The following ABLIM3 variants were observed in gnomAD, a reference collection of about 807,000 sequenced individuals.
ABLIM3 encodes actin binding LIM protein family member 3, also known as actin-binding LIM protein 3.
A neutral mutation model predicts 109.5 loss-of-function variants in ABLIM3; 61 were observed. The ratio of observed to expected loss-of-function variants is 0.56; its 90% CI spans 0.45 to 0.69. ABLIM3 has a LOEUF of 0.69. Ranked by LOEUF, ABLIM3 falls within the 30% of genes least tolerant of loss-of-function variation. ABLIM3 has a pLI of 0.00. For synonymous variants in ABLIM3, 300 were observed against 324.8 expected (o/e 0.92, Z 0.82); for missense variants, 796 against 889.5 (o/e 0.89, Z 1.34).
intron 21 of ABLIM3, among the ~76,000 whole-genome samples, chr5:149,251,704 G>C (rs148685797): frequency 6.6e-6 from 1 of 152,136 alleles, no homozygotes; most frequent in African/African-American, 2.4e-5. Context: ...ACTGTGGACC[G>C]AGGGTTGCCT....
At chr5:149,232,140 T>C (rs951432930) in intron 9 of ABLIM3, among the ~76,000 whole-genome samples, 1 of 152,136 alleles carries the variant, frequency 6.6e-6, no homozygotes, top group African/African-American at 2.4e-5. Flanking sequence ...ACCCCAATTC[T>C]ACTAAAAATA....
intron 16 of ABLIM3, 77 bp from the exon 17 acceptor site, chr5:149,246,403 CTT>C: frequency 1.5e-6 from 2 of 1,368,024 alleles, no homozygotes; most frequent in Non-Finnish European, 9.9e-7. Flanking sequence ...AGTGGCTTTT[CTT>C]TTTTAAAAAA....
At chr5:149,171,973 C>T (rs534023484) in intron 2 of ABLIM3, among the ~76,000 whole-genome samples, 98 of 152,288 alleles carry the variant, frequency 6.4e-4, no homozygotes, top group Non-Finnish European at 1.1e-3. Flanking sequence ...TAGACACATG[C>T]GGATACTGAG....
chr5:149,210,704 C>T, intron 6 of ABLIM3, 22 bp from the exon 7 acceptor site: 2 of 1,607,874 alleles, frequency 1.2e-6, no homozygotes. Context: ...CTTCCTCATC[C>T]TATGTGAACT....
intron 10 of ABLIM3, among the ~76,000 whole-genome samples, chr5:149,233,903 A>T (rs1055646519): frequency 2.6e-5 from 4 of 152,198 alleles, no homozygotes; most frequent in African/African-American, 9.6e-5. Context: ...TTTGCCAGGG[A>T]TGTAGAAGAA....
chr5:149,229,134 C>G (rs1761595471), intron 8 of ABLIM3, among the ~76,000 whole-genome samples: 1 of 152,172 alleles, frequency 6.6e-6, no homozygotes, highest in South Asian at 2.1e-4. Context: ...GAAACGCTCT[C>G]TCTAATAACT....
intron 2 of ABLIM3, among the ~76,000 whole-genome samples, chr5:149,173,400 G>A (rs1217122448): frequency 1.3e-5 from 2 of 152,178 alleles, no homozygotes; most frequent in African/African-American, 4.8e-5. Context: ...CTTCATTTTG[G>A]CCTGACCTCA....
chr5:149,223,534 C>T (rs752823859), intron 8 of ABLIM3, among the ~76,000 whole-genome samples: 7 of 152,164 alleles, frequency 4.6e-5, no homozygotes, highest in South Asian at 2.1e-4. Flanking sequence ...AACTAAGAAG[C>T]GTCTAGGAGC....
chr5:149,194,265 A>T lies in ABLIM3; in HGVS notation c.152-3954A>T, dbSNP rs542233039. 1.6e-4 allele frequency among the ~76,000 whole-genome samples: 24 copies of T among 152,378 alleles called. No homozygotes were observed. In the East Asian group the frequency reaches 4.0e-3, roughly 26 times the overall value. ...GCAAAAAACATTAGCAAGTATTTTA[A>T]CATTTGAAAAAAATTCTCAATTTGA... On this transcript the variant is annotated intron_variant, in intron 3 of 23. Coordinates refer to ENST00000309868, the MANE Select transcript of ABLIM3 (RefSeq NM_014945.5).
At chr5:149,252,523 A>C (rs1045005585) in intron 22 of ABLIM3, 77 of 553,320 alleles carry the variant, frequency 1.4e-4, no homozygotes, top group Middle Eastern at 9.5e-4. Context: ...GCACATGGCA[A>C]ATACCTCCAA....
chr5:149,190,642 T>G (rs909545548), intron 3 of ABLIM3, among the ~76,000 whole-genome samples: 5 of 152,204 alleles, frequency 3.3e-5, no homozygotes, highest in African/African-American at 9.7e-5. Flanking sequence ...ATCACGCCAC[T>G]GCACTCCAGG....
chr5:149,143,507 C>T (rs1426966984), intron 2 of ABLIM3, among the ~76,000 whole-genome samples: 1 of 151,760 alleles, frequency 6.6e-6, no homozygotes, highest in Non-Finnish European at 1.5e-5. Context: ...ACTATTTCCT[C>T]ACACACCCCA....
chr5:149,167,334 A>G (rs962639765), intron 2 of ABLIM3, among the ~76,000 whole-genome samples: 1 of 152,132 alleles, frequency 6.6e-6, no homozygotes, highest in Non-Finnish European at 1.5e-5. Flanking sequence ...AAAATATCTG[A>G]TATGATTTCT....
At chr5:149,195,508 C>G (rs1042362535) in intron 3 of ABLIM3, among the ~76,000 whole-genome samples, 8 of 152,170 alleles carry the variant, frequency 5.3e-5, no homozygotes, top group African/African-American at 1.9e-4. Flanking sequence ...CTTCCTCCTT[C>G]AGCTCCTTGG....
intron 3 of ABLIM3, among the ~76,000 whole-genome samples, chr5:149,193,027 T>G (rs1490372825): frequency 6.6e-6 from 1 of 152,086 alleles, no homozygotes; most frequent in Non-Finnish European, 1.5e-5. Context: ...TTAAGGGACT[T>G]AAGAGGTACA....
rs78895357 is a variant in ABLIM3, at chr5:149,202,728, A to G, written c.448+2300A>G. On this transcript the variant is annotated intron_variant, in intron 5 of 23. Transcript: ENST00000309868. ...CTACTCCAAAGAGACCAAGAAAAAT[A>G]CTCAGGAACTGTCAAGAGAAAATAA... Among the ~76,000 whole-genome samples, 4 of 152,312 alleles carry G rather than the reference A, an allele frequency of 2.6e-5. No individual in the cohort carries two copies. In the East Asian group the frequency reaches 7.7e-4, roughly 29 times the overall value.
chr5:149,239,898 G>C lies in ABLIM3; in HGVS notation c.1204+10G>C, dbSNP rs372106116. The stretch of plus-strand genomic sequence containing the variant: ...CACTACTACCGCTCTGGTAAGGAAG[G>C]GGGAGGACCTGAAGGGAGAGGAAGA... On this transcript the variant is annotated intron_variant, in intron 13 of 23. Transcript: ENST00000309868. The C allele has an allele frequency of 1.7e-5, 27 of 1,597,612 alleles. No individual in the cohort carries two copies. The highest frequency in any genetic ancestry group is 1.7e-4 in the Middle Eastern group (1 of 5,986).
At chr5:149,199,450 G>A (rs1758297135) in intron 4 of ABLIM3, among the ~76,000 whole-genome samples, 1 of 152,158 alleles carries the variant, frequency 6.6e-6, no homozygotes, top group Non-Finnish European at 1.5e-5. Context: ...TGAGCCCTGA[G>A]CCCTGGAATC....
intron 8 of ABLIM3, among the ~76,000 whole-genome samples, chr5:149,224,732 C>G (rs1761001718): frequency 6.6e-6 from 1 of 152,112 alleles, no homozygotes; most frequent in Non-Finnish European, 1.5e-5. Context: ...TTATATAGTC[C>G]CTGACATAGG....
Sources: gnomAD v4.1 joint callset for allele counts (sites outside exome capture counted in the v4.1 genomes callset) on GRCh38, gnomAD v4.1.1 for gene constraint, MANE v1.5 for transcripts, NCBI Gene and HGNC (gene_info 2026-07-23, HGNC 2026-07-21) for gene names.